The following GRIA1 variants were observed in gnomAD, a reference collection of about 807,000 sequenced individuals.
GRIA1 encodes the protein glutamate ionotropic receptor AMPA type subunit 1.
In GRIA1, 31 loss-of-function variants were observed where a neutral mutation model predicts 99.2. That is an observed-to-expected ratio of 0.31 (90% CI 0.23 to 0.42). GRIA1 has a LOEUF of 0.42. Ranked by LOEUF, GRIA1 falls within the 10% of genes least tolerant of loss-of-function variation. The pLI is 1.00. For synonymous variants in GRIA1, 438 were observed against 432.4 expected, an observed-to-expected ratio of 1.01 and a Z score of -0.16; for missense variants, 782 against 1,157.5, an observed-to-expected ratio of 0.68 and a Z score of 4.71.
chr5:153,742,809 A>AATCT (rs1761901648), intron 11 of GRIA1, among the ~76,000 whole-genome samples: 1 of 152,070 alleles, frequency 6.6e-6, no homozygotes, highest in African/African-American at 2.4e-5. Context: ...TTCCTCTTTC[A>AATCT]ATCTTAAGGT....
At chr5:153,713,068 G>A (rs1165147856) in intron 11 of GRIA1, among the ~76,000 whole-genome samples, 1 of 152,170 alleles carries the variant, frequency 6.6e-6, no homozygotes, top group African/African-American at 2.4e-5. Context: ...TAGAAATGAT[G>A]CTGAGTCAAC....
intron 2 of GRIA1, among the ~76,000 whole-genome samples, chr5:153,627,144 T>G (rs2149430585): frequency 6.6e-6 from 1 of 152,356 alleles, no homozygotes; most frequent in East Asian, 1.9e-4. Context: ...GGCCAGATAA[T>G]GTTATTTATA....
At chr5:153,696,144 G>A (rs1196667423) in intron 8 of GRIA1, among the ~76,000 whole-genome samples, 1 of 152,076 alleles carries the variant, frequency 6.6e-6, no homozygotes, top group African/African-American at 2.4e-5. Flanking sequence ...CTGGCTCCAC[G>A]GCTACCCTGT....
At chr5:153,647,722 T>G (rs1754263185) in intron 3 of GRIA1, among the ~76,000 whole-genome samples, 2 of 152,232 alleles carry the variant, frequency 1.3e-5, no homozygotes, top group Non-Finnish European at 2.9e-5. Context: ...ATCATCATCC[T>G]CCTCATCATA....
chr5:153,701,642 AT>A (rs1758536090), intron 10 of GRIA1, among the ~76,000 whole-genome samples: 1 of 149,172 alleles, frequency 6.7e-6, no homozygotes, highest in Non-Finnish European at 1.5e-5. Flanking sequence ...AAAAAAAAAA[AT>A]ACTATGTTCT....
rs151017186 is a variant in GRIA1 at position 153,769,738 on chromosome 5, A to G, written c.2023-430A>G. 7.9e-3 allele frequency among the ~76,000 whole-genome samples: 1,201 copies of G among 152,062 alleles called. 30 individuals are homozygous for G. Among genetic ancestry groups the G allele is most frequent in the Admixed American group, 0.043 (661 of 15,280 alleles). ...ATACATTCTGAGGACAGGTCTACCCATGATCCAGAAATTCTTCAGTGCTTT... is the reference window on the plus strand; with the variant it reads ...ATACATTCTGAGGACAGGTCTACCCGTGATCCAGAAATTCTTCAGTGCTTT... On this transcript the variant is annotated intron_variant, in intron 12 of 15. Coordinates refer to ENST00000285900, the MANE Select transcript of GRIA1 (RefSeq NM_000827.4).
At chr5:153,721,677 G>A (rs1210727571) in intron 11 of GRIA1, among the ~76,000 whole-genome samples, 1 of 152,120 alleles carries the variant, frequency 6.6e-6, no homozygotes, top group African/African-American at 2.4e-5. Flanking sequence ...CTTCATCCAT[G>A]TATCACATAT....
At chr5:153,634,466 G>T (rs1753207735) in intron 2 of GRIA1, among the ~76,000 whole-genome samples, 1 of 152,150 alleles carries the variant, frequency 6.6e-6, no homozygotes, top group Admixed American at 6.5e-5. Flanking sequence ...ATAACAGCTT[G>T]TGTAAAACCT....
chr5:153,788,580 C>T (rs186844760), intron 13 of GRIA1, among the ~76,000 whole-genome samples: 25 of 152,344 alleles, frequency 1.6e-4, no homozygotes, highest in Middle Eastern at 3.4e-3. Flanking sequence ...TTAAATGTCA[C>T]TTCCTCAGAC....
intron 11 of GRIA1, among the ~76,000 whole-genome samples, chr5:153,713,409 TG>T (rs764238083): frequency 5.3e-5 from 8 of 152,102 alleles, no homozygotes; most frequent in Non-Finnish European, 1.2e-4. Flanking sequence ...TGTGTGGGGG[TG>T]GCCCCCATCA....
chr5:153,568,748 C>CT (rs1161652785), intron 2 of GRIA1, among the ~76,000 whole-genome samples: 2 of 152,154 alleles, frequency 1.3e-5, no homozygotes, highest in African/African-American at 4.8e-5. Flanking sequence ...GCCTTCCTCC[C>CT]TTCATGCCCT....
At chr5:153,604,139 G>A (rs1053401430) in intron 2 of GRIA1, among the ~76,000 whole-genome samples, 1 of 151,928 alleles carries the variant, frequency 6.6e-6, no homozygotes, top group African/African-American at 2.4e-5. Flanking sequence ...TCAGGAGTTT[G>A]CTACCAATTA....
chr5:153,492,402 CTCAA>C, intron 1 of GRIA1: 4 of 1,165,086 alleles, frequency 3.4e-6, no homozygotes, highest in Non-Finnish European at 4.6e-6. Flanking sequence ...CCTTCTACTC[CTCAA>C]CCTCCCATCC....
chr5:153,641,746 G>T (rs2149447237), intron 2 of GRIA1, among the ~76,000 whole-genome samples: 1 of 152,310 alleles, frequency 6.6e-6, no homozygotes, highest in East Asian at 1.9e-4. Flanking sequence ...TTATCTTTCA[G>T]TGTCAAAGCT....
rs186104456 is a variant in GRIA1, at chr5:153,728,337, T to C, written c.1823+22270T>C. ...CATAGGCATAGGCAAGGACTTCATG[T>C]CTAAAACACCAAAAGCAATGGCAAC... On this transcript the variant is annotated intron_variant, in intron 11 of 15. Coordinates refer to ENST00000285900, the MANE Select transcript of GRIA1 (RefSeq NM_000827.4). 2.0e-5 allele frequency among the ~76,000 whole-genome samples: 3 copies of C among 148,684 alleles called. No homozygotes were observed. In the East Asian group the frequency reaches 6.2e-4, roughly 31 times the overall value.
chr5:153,571,891 T>C (rs906206611), intron 2 of GRIA1, among the ~76,000 whole-genome samples: 3 of 152,140 alleles, frequency 2.0e-5, no homozygotes, highest in African/African-American at 4.8e-5. Context: ...AGGCCTTCAT[T>C]TCCTGCCTTC....
At chr5:153,506,228 T>C (rs931663837) in intron 2 of GRIA1, among the ~76,000 whole-genome samples, 3 of 152,044 alleles carry the variant, frequency 2.0e-5, no homozygotes, top group African/African-American at 7.2e-5. Context: ...GCTAGGGCAT[T>C]CCTAACCATG....
At chr5:153,771,583 TAATA>T (rs750650343) in intron 13 of GRIA1, among the ~76,000 whole-genome samples, 5 of 152,330 alleles carry the variant, frequency 3.3e-5, no homozygotes, top group South Asian at 2.1e-4. Flanking sequence ...ATGACAATTC[TAATA>T]GATACTAGGA....
At chr5:153,547,253 T>C (rs573618028) in intron 2 of GRIA1, among the ~76,000 whole-genome samples, 54 of 152,298 alleles carry the variant, frequency 3.5e-4, no homozygotes, top group African/African-American at 1.2e-3. Context: ...CTTCTTTCAA[T>C]GCAGCCCAGA....
Sources: allele counts gnomAD v4.1 joint callset (sites outside exome capture counted in the v4.1 genomes callset), GRCh38; gene constraint gnomAD v4.1.1; transcripts MANE v1.5; gene names NCBI Gene and HGNC (gene_info 2026-07-23, HGNC 2026-07-21).